The following KLHL13 variants were observed in gnomAD, a reference collection of about 807,000 sequenced individuals.
KLHL13 encodes kelch like family member 13, also known as kelch-like protein 13.
A neutral mutation model predicts 37.1 loss-of-function variants in KLHL13; 10 were observed. The ratio of observed to expected loss-of-function variants is 0.27; its 90% CI spans 0.17 to 0.46. The LOEUF is 0.46. KLHL13 is among the 20% of genes least tolerant of loss of function. KLHL13 has a pLI of 1.00. For missense variants in KLHL13, 360 were observed against 509.3 expected, an observed-to-expected ratio of 0.71 and a Z score of 2.82; for synonymous variants, 163 against 181.2, an observed-to-expected ratio of 0.90 and a Z score of 0.81.
chrX:117,920,229 G>C lies in KLHL13; in HGVS notation c.373+9C>G, dbSNP rs769304254. The C allele has an allele frequency of 4.2e-6, 5 of 1,203,430 alleles. No individual in the cohort carries two copies. Among genetic ancestry groups the C allele is most frequent in the Non-Finnish European group, 5.6e-6 (5 of 891,189 alleles). On this transcript the variant is annotated intron_variant, in intron 3 of 6. Transcript: ENST00000262820. ...TAATGTGGTTTCAGAGTTTTAAAAGGCAAACTACCTGTGAACATAGCCTTG... is the reference window on the plus strand; with the variant it reads ...TAATGTGGTTTCAGAGTTTTAAAAGCCAAACTACCTGTGAACATAGCCTTG...
chrX:118,116,157 C>A (rs2055465590), intron 1 of KLHL13, among the ~76,000 whole-genome samples: 1 of 111,114 alleles, frequency 9.0e-6, no homozygotes, highest in African/African-American at 3.3e-5. Context: ...CCGGGGCGGG[C>A]AGCGGGACCC....
chrX:117,906,579 A>G (rs976508151), intron 5 of KLHL13, among the ~76,000 whole-genome samples: 3 of 111,190 alleles, frequency 2.7e-5, no homozygotes, highest in Non-Finnish European at 5.7e-5. Flanking sequence ...GGCTTTATCT[A>G]ATGACTCTTT....
chrX:117,953,317 C>T (rs1933730910), intron 1 of KLHL13, among the ~76,000 whole-genome samples: 1 of 110,479 alleles, frequency 9.1e-6, no homozygotes, highest in South Asian at 3.9e-4. Flanking sequence ...AAAAACCAAA[C>T]ACCGCATGTT....
chrX:117,906,833 T>C (rs1421416720), intron 5 of KLHL13, among the ~76,000 whole-genome samples: 3 of 111,236 alleles, frequency 2.7e-5, no homozygotes, highest in Non-Finnish European at 5.7e-5. Context: ...TGGAATAAAA[T>C]ATCAAATAAT....
At chrX:118,017,493 G>A (rs751940784) in intron 1 of KLHL13, among the ~76,000 whole-genome samples, 1 of 111,496 alleles carries the variant, frequency 9.0e-6, no homozygotes, top group African/African-American at 3.2e-5. Flanking sequence ...ATTGGTTATT[G>A]CAGGACGTCA....
chrX:118,084,797 C>CGGAT (rs2055035327), intron 1 of KLHL13, among the ~76,000 whole-genome samples: 1 of 111,015 alleles, frequency 9.0e-6, no homozygotes, highest in Non-Finnish European at 1.9e-5. Context: ...AAGGCCGAGG[C>CGGAT]GGATGGATCA....
At chrX:118,105,732 G>A (rs897915019) in intron 1 of KLHL13, among the ~76,000 whole-genome samples, 2 of 111,324 alleles carry the variant, frequency 1.8e-5, no homozygotes, top group African/African-American at 6.5e-5. Flanking sequence ...TGTTCACGTG[G>A]ATACTGTACC....
exon 1 of KLHL13, chrX:117,973,548 TAAG>T: frequency 2.2e-6 from 2 of 898,306 alleles, no homozygotes; most frequent in Non-Finnish European, 2.8e-6. Flanking sequence ...AGGCAAAATG[TAAG>T]AAGAATATAA....
Position 118,071,245 on chromosome X carries a change from G to T in KLHL13, c.-56+45263C>A, listed in dbSNP as rs186680577. Among the ~76,000 whole-genome samples, 3 of 111,712 alleles carry T rather than the reference G, an allele frequency of 2.7e-5. No homozygotes were observed. In the South Asian group the frequency reaches 1.1e-3, roughly 42 times the overall value. The stretch of plus-strand genomic sequence containing the variant: ...TGTGCATGTGTCTTTATAGCGGCAT[G>T]ATTTATAGTCCTTTGGGTATATACC... On this transcript the variant is annotated intron_variant, in intron 1 of 6. Coordinates refer to the KLHL13 transcript ENST00000371882.
intron 1 of KLHL13, among the ~76,000 whole-genome samples, chrX:118,046,240 A>G (rs1253606403): frequency 8.9e-6 from 1 of 112,544 alleles, no homozygotes; most frequent in Non-Finnish European, 1.9e-5. Context: ...AATTGCAACA[A>G]CATGGATGGA....
At chrX:117,906,979 T>G (rs1378009028) in intron 5 of KLHL13, among the ~76,000 whole-genome samples, 1 of 111,746 alleles carries the variant, frequency 8.9e-6, no homozygotes, top group Non-Finnish European at 1.9e-5. Context: ...GGGAAATTTT[T>G]TTAAGTCATT....
At chrX:118,036,418 G>C (rs1394370743) in intron 1 of KLHL13, among the ~76,000 whole-genome samples, 2 of 111,201 alleles carry the variant, frequency 1.8e-5, no homozygotes, top group African/African-American at 6.6e-5. Context: ...GAACAGAACA[G>C]AGCCCTCAGA....
At chrX:117,966,740 C>A (rs1218482355) in intron 1 of KLHL13, among the ~76,000 whole-genome samples, 1 of 111,129 alleles carries the variant, frequency 9.0e-6, no homozygotes, top group African/African-American at 3.3e-5. Context: ...GAACAGAGCC[C>A]TCAGAAATAA....
intron 1 of KLHL13, among the ~76,000 whole-genome samples, chrX:118,077,256 CA>C (rs945521664): frequency 3.6e-5 from 4 of 111,077 alleles, no homozygotes. Flanking sequence ...GAGGCAATGC[CA>C]AATGTGATCA....
chrX:118,092,772 T>A (rs901647516), intron 1 of KLHL13, among the ~76,000 whole-genome samples: 2 of 111,518 alleles, frequency 1.8e-5, no homozygotes, highest in Non-Finnish European at 3.8e-5. Context: ...GTCACAGAAC[T>A]ATATACACAC....
chrX:117,954,411 T>C (rs184575938), intron 1 of KLHL13, among the ~76,000 whole-genome samples: 140 of 111,002 alleles, frequency 1.3e-3, no homozygotes, highest in African/African-American at 4.2e-3. Context: ...GGTAGACGGA[T>C]GGATGGATGG....
chrX:118,071,267 T>C (rs1473605186), intron 1 of KLHL13, among the ~76,000 whole-genome samples: 2 of 111,744 alleles, frequency 1.8e-5, no homozygotes, highest in African/African-American at 3.3e-5. Context: ...TTTGGGTATA[T>C]ACCCAGTAAT....
chrX:117,926,175 T>C (rs1051434111), intron 2 of KLHL13, among the ~76,000 whole-genome samples: 1 of 111,706 alleles, frequency 9.0e-6, no homozygotes, highest in Non-Finnish European at 1.9e-5. Flanking sequence ...GGAAAAAAAG[T>C]TTAAAAACAT....
In KLHL13 at chrX:117,933,919, G is replaced by A. The variant is rs150202074; in HGVS notation, c.240+11515C>T. Among the ~76,000 whole-genome samples, 797 of 110,460 alleles carry A rather than the reference G, an allele frequency of 7.2e-3. 6 individuals carry two copies. Among genetic ancestry groups the A allele is most frequent in the African/African-American group, 0.023 (706 of 30,473 alleles). Reference sequence around the variant, plus strand: ...AACAGAAGAGGTACCATCCATTTAAGATGGATCATATACACCATGGAATAC... The same window carrying A: ...AACAGAAGAGGTACCATCCATTTAAAATGGATCATATACACCATGGAATAC... On this transcript the variant is annotated intron_variant, in intron 2 of 6. Transcript: ENST00000262820.
Sources: allele counts gnomAD v4.1 joint callset (sites outside exome capture counted in the v4.1 genomes callset), GRCh38; gene constraint gnomAD v4.1.1; transcripts MANE v1.5; gene names NCBI Gene and HGNC (gene_info 2026-07-23, HGNC 2026-07-21).